The following ATP6V0A2 variants were observed in gnomAD, a reference collection of about 807,000 sequenced individuals.
ATP6V0A2 encodes the protein ATPase H+ transporting V0 subunit a2, also known as V-type proton ATPase 116 kDa subunit a 2.
Under a neutral mutation model 104.4 loss-of-function variants are expected in ATP6V0A2, and 58 were observed. That is an observed-to-expected ratio of 0.56 (90% CI 0.45 to 0.69). The LOEUF is 0.69. Among genes scored for constraint, ATP6V0A2 ranks in the 30% least tolerant of loss-of-function variants. The pLI is 0.00. For missense variants in ATP6V0A2, 938 were observed against 1,062.9 expected, an observed-to-expected ratio of 0.88 and a Z score of 1.63; for synonymous variants, 376 against 397.9, an observed-to-expected ratio of 0.95 and a Z score of 0.65.
intron 13 of ATP6V0A2, 65 bp downstream of exon 13, chr12:123,745,037 A>G: frequency 4.0e-6 from 6 of 1,495,292 alleles, no homozygotes; most frequent in Non-Finnish European, 5.6e-6. Flanking sequence ...TTCGGGCGCC[A>G]CGAGTTTCTC....
chr12:123,744,630 C>T lies in ATP6V0A2; in HGVS notation c.1360C>T (p.Leu454Phe). 6.2e-7 allele frequency: 1 copy of T among 1,613,682 alleles called. No homozygotes were observed. Among genetic ancestry groups the T allele is most frequent in the South Asian group, 1.1e-5 (1 of 91,042 alleles). Residue 454 changes from leucine (L) to phenylalanine (F), a missense_variant, in exon 12 of 20, where the codon CTC becomes TTC. By Grantham distance (22) the Leu-to-Phe change is conservative (BLOSUM62 0). Coordinates refer to ENST00000330342, the MANE Select transcript of ATP6V0A2 (RefSeq NM_012463.4). The surrounding 1 kb of genome is among the most constrained non-coding windows in gnomAD (Gnocchi z 5.4). ...MRMFFNGRYI[L>F]LLMGLFSVYT... The stretch of plus-strand genomic sequence containing the variant: ...GATGTTTTTTAATGGCCGGTACATC[C>T]TCCTGCTGATGGGGCTGTTCTCAGT...
intron 7 of ATP6V0A2, among the ~76,000 whole-genome samples, chr12:123,735,292 CATT>C (rs894829909): frequency 6.6e-6 from 1 of 152,064 alleles, no homozygotes; most frequent in African/African-American, 2.4e-5. Context: ...TTCCAGGAAT[CATT>C]GAGGGCAGGA....
At chr12:123,755,479 T>C (rs1025859382) in intron 18 of ATP6V0A2, among the ~76,000 whole-genome samples, 1 of 145,728 alleles carries the variant, frequency 6.9e-6, no homozygotes. Flanking sequence ...GAGGTTGCAG[T>C]GAGCCAAGAT....
chr12:123,745,008 C>T, intron 13 of ATP6V0A2, 36 bp downstream of exon 13: 4 of 1,590,318 alleles, frequency 2.5e-6, no homozygotes, highest in Middle Eastern at 1.7e-4. Context: ...TCTCTGGATG[C>T]TCTGTGGTGC....
intron 6 of ATP6V0A2, chr12:123,733,292 ACC>A (rs1455695541): frequency 2.7e-5 from 4 of 148,802 alleles, no homozygotes; most frequent in Non-Finnish European, 5.9e-5. Flanking sequence ...CGGCCTGGGC[ACC>A]AAGAGAGAGA....
intron 3 of ATP6V0A2, 106 bp downstream of exon 3, chr12:123,722,554 G>GGTTTT: frequency 1.4e-6 from 1 of 740,020 alleles, no homozygotes; most frequent in Non-Finnish European, 2.5e-6. Flanking sequence ...TCAAAACTAT[G>GGTTTT]GAAGATGGTG....
chr12:123,750,876 G>T, intron 15 of ATP6V0A2: 1 of 542,052 alleles, frequency 1.8e-6, no homozygotes, highest in Non-Finnish European at 3.3e-6. Flanking sequence ...TTTCCTTGCT[G>T]GTCTAAAACA....
chr12:123,724,870 A>G, intron 4 of ATP6V0A2, 79 bp downstream of exon 4: 3 of 1,224,144 alleles, frequency 2.5e-6, no homozygotes, highest in East Asian at 2.4e-5. Context: ...TAGGCTGTGT[A>G]TTTTGCTATT....
intron 1 of ATP6V0A2, 84 bp from the exon 2 acceptor site, chr12:123,718,539 C>A: frequency 1.9e-6 from 2 of 1,026,096 alleles, no homozygotes; most frequent in South Asian, 1.3e-5. Flanking sequence ...GTACATCCCC[C>A]AAACTTTGGT....
At chr12:123,755,051 C>T (rs1033912376) in intron 18 of ATP6V0A2, among the ~76,000 whole-genome samples, 1 of 152,204 alleles carries the variant, frequency 6.6e-6, no homozygotes, top group Non-Finnish European at 1.5e-5. Context: ...ACCTGTTCCC[C>T]AGCAGCATGG....
chr12:123,752,414 C>T lies in ATP6V0A2; in HGVS notation c.2175+12C>T, dbSNP rs1435379806. On this transcript the variant is annotated intron_variant, in intron 17 of 19. Coordinates refer to ENST00000330342, the MANE Select transcript of ATP6V0A2 (RefSeq NM_012463.4). ...TGGCGTGTGAAGAGGTAAATCTTTT[C>T]AACTGCTATTGATAAACTTAGATAA... 1 of 1,613,644 alleles carries T rather than the reference C, an allele frequency of 6.2e-7. No individual in the cohort carries two copies. Among genetic ancestry groups the T allele is most frequent in the Admixed American group, 1.7e-5 (1 of 59,982 alleles).
At chr12:123,716,118 G>A (rs977329398) in intron 1 of ATP6V0A2, among the ~76,000 whole-genome samples, 4 of 151,420 alleles carry the variant, frequency 2.6e-5, no homozygotes, top group Non-Finnish European at 5.9e-5. Context: ...CCAGGATGGA[G>A]TGCAGTGGCG....
intron 6 of ATP6V0A2, among the ~76,000 whole-genome samples, chr12:123,728,869 C>T (rs1956473040): frequency 6.6e-6 from 1 of 152,090 alleles, no homozygotes; most frequent in African/African-American, 2.4e-5. Flanking sequence ...GTCATGGTCA[C>T]TCTGATCACT....
chr12:123,750,441 T>G, intron 15 of ATP6V0A2: 1 of 155,382 alleles, frequency 6.4e-6, no homozygotes, highest in Admixed American at 6.3e-5. Flanking sequence ...AATACAGCTT[T>G]GTGCCTGAGT....
chr12:123,760,715 A>C lies in ATP6V0A2; in HGVS notation c.*2683A>C, dbSNP rs763253033. ...TTTGATTCAACCTGCTGGGCTGGAG[A>C]CTGTAATTGCCGTGGTCAGTTAAGG... On this transcript the variant is annotated 3_prime_UTR_variant, in exon 20 of 20. Transcript: ENST00000330342. The C allele has an allele frequency of 3.1e-4, 47 of 152,272 alleles. No individual in the cohort carries two copies. The highest frequency in any genetic ancestry group is 1.3e-4 in the Admixed American group (2 of 15,280). The allele number at this position is 152,272 out of a possible 1,614,324, so 9.4% of individuals were successfully genotyped here. A position where few individuals can be genotyped will look rare whatever the true frequency, so the allele number is the denominator to read the frequency against.
Position 123,712,761 on chromosome 12 carries a change from CG to C in ATP6V0A2, c.117+83del, listed in dbSNP as rs531050644. The C allele has an allele frequency of 8.4e-4, 1,041 of 1,242,220 alleles. 5 individuals are homozygous for C. In the African/African-American group the frequency reaches 0.012, roughly 14 times the overall value. The allele number at this position is 1,242,220 out of a possible 1,614,324, so 76.9% of individuals were successfully genotyped here. ...CCCGCGCATCGCTGGGGCCCTCCCG[CG>C]GGGAGCACCGAGGAAGGGCGCGCCC... is the stretch of plus-strand genomic sequence containing the variant. On this transcript the variant is annotated intron_variant, in intron 1 of 19. Coordinates refer to ENST00000330342, the MANE Select transcript of ATP6V0A2 (RefSeq NM_012463.4).
At chr12:123,723,708 C>G (rs1956421926) in intron 3 of ATP6V0A2, 1 of 152,300 alleles carries the variant, frequency 6.6e-6, no homozygotes, top group South Asian at 2.1e-4. Flanking sequence ...ATCCACCCAC[C>G]TTGGCTTCCC....
intron 13 of ATP6V0A2, among the ~76,000 whole-genome samples, chr12:123,745,369 G>A (rs542217946): frequency 6.6e-6 from 1 of 152,154 alleles, no homozygotes; most frequent in Admixed American, 6.5e-5. Flanking sequence ...GAAGCGTGAG[G>A]TTATTATGGT....
intron 9 of ATP6V0A2, among the ~76,000 whole-genome samples, chr12:123,742,310 A>G (rs1956617376): frequency 6.6e-6 from 1 of 152,158 alleles, no homozygotes; most frequent in South Asian, 2.1e-4. Context: ...CACATTGCTT[A>G]CTTGCATCCT....
Sources: allele counts gnomAD v4.1 joint callset (sites outside exome capture counted in the v4.1 genomes callset), GRCh38; gene constraint gnomAD v4.1.1; non-coding constraint Gnocchi (gnomAD v3.1); transcripts MANE v1.5; gene names NCBI Gene and HGNC (gene_info 2026-07-23, HGNC 2026-07-21).